Variants in RBFOX1 observed in about 807,000 individuals in gnomAD.
The protein encoded by RBFOX1 is RNA binding protein fox-1 homolog 1.
A neutral mutation model predicts 57.7 loss-of-function variants in RBFOX1; 8 were observed. The ratio of observed to expected loss-of-function variants is 0.14; its 90% CI spans 0.08 to 0.25. RBFOX1 has a LOEUF of 0.25. RBFOX1 is among the 10% of genes least tolerant of loss of function. RBFOX1 has a pLI of 1.00. For synonymous variants in RBFOX1, 326 were observed against 222.4 expected (o/e 1.47, Z -4.15); for missense variants, 611 against 548.5 (o/e 1.11, Z -1.14).
intron 1 of RBFOX1, among the ~76,000 whole-genome samples, chr16:6,274,131 G>T (rs1443063639): frequency 6.6e-6 from 1 of 152,154 alleles, no homozygotes; most frequent in Non-Finnish European, 1.5e-5. Flanking sequence ...GCCACTTTGA[G>T]ATATAGTGGA....
chr16:5,975,811 C>A (rs114683771), intron 4 of RBFOX1, among the ~76,000 whole-genome samples: 1 of 152,062 alleles, frequency 6.6e-6, no homozygotes, highest in Non-Finnish European at 1.5e-5. Flanking sequence ...GAATGGCTAG[C>A]GCTCGACATA....
chr16:6,525,923 C>T (rs933735117), intron 2 of RBFOX1, among the ~76,000 whole-genome samples: 3 of 151,542 alleles, frequency 2.0e-5, no homozygotes, highest in Non-Finnish European at 4.4e-5. Flanking sequence ...GTGTCTGCTA[C>T]AAGCAGAGAA....
intron 3 of RBFOX1, among the ~76,000 whole-genome samples, chr16:5,681,121 T>G (rs1484236362): frequency 6.6e-6 from 1 of 152,068 alleles, no homozygotes; most frequent in Non-Finnish European, 1.5e-5. Flanking sequence ...TCACCCAGTC[T>G]GGAGTGCAGT....
intron 4 of RBFOX1, among the ~76,000 whole-genome samples, chr16:7,508,870 C>G (rs184904303): frequency 6.6e-6 from 1 of 152,192 alleles, no homozygotes; most frequent in East Asian, 1.9e-4. Flanking sequence ...ATCTCTCTTT[C>G]CATAGCAAGG....
At chr16:6,939,713 T>G (rs2078020411) in intron 3 of RBFOX1, among the ~76,000 whole-genome samples, 1 of 152,040 alleles carries the variant, frequency 6.6e-6, no homozygotes, top group African/African-American at 2.4e-5. Context: ...GGCTTCACTA[T>G]GTTGGCCGGG....
intron 5 of RBFOX1, among the ~76,000 whole-genome samples, chr16:7,550,923 A>C (rs1410502732): frequency 6.6e-6 from 1 of 151,796 alleles, no homozygotes; most frequent in Non-Finnish European, 1.5e-5. Flanking sequence ...GTGAAACCCC[A>C]GTTCTACTAA....
At chr16:7,357,887 T>C (rs1258456508) in intron 4 of RBFOX1, among the ~76,000 whole-genome samples, 1 of 152,238 alleles carries the variant, frequency 6.6e-6, no homozygotes, top group East Asian at 1.9e-4. Flanking sequence ...CTAGTTTTGG[T>C]TCCTCTTTAA....
In RBFOX1 at chr16:5,946,691, A is replaced by G. The variant is rs984864190; in HGVS notation, c.351+79356A>G. 5.3e-5 allele frequency among the ~76,000 whole-genome samples: 8 copies of G among 152,300 alleles called. No homozygotes were observed. The highest frequency in any genetic ancestry group is 2.9e-5 in the Non-Finnish European group (2 of 68,026). On this transcript the variant is annotated intron_variant, in intron 4 of 19. Coordinates refer to the RBFOX1 transcript ENST00000641259. The surrounding 1 kb of genome is among the most constrained non-coding windows in gnomAD (Gnocchi z 4.6). Reference sequence around the variant, plus strand: ...ATGAGAATCTCTGATTTATAACCAGATGGTGAGAAGGGAAGTACAGGCTTG... The same window carrying G: ...ATGAGAATCTCTGATTTATAACCAGGTGGTGAGAAGGGAAGTACAGGCTTG...
chr16:5,736,330 C>T (rs1175001269), intron 3 of RBFOX1, among the ~76,000 whole-genome samples: 1 of 152,126 alleles, frequency 6.6e-6, no homozygotes, highest in East Asian at 1.9e-4. Context: ...AGATGTGTCA[C>T]TATCTATAGC....
chr16:6,794,591 C>G (rs2083591739), intron 3 of RBFOX1, among the ~76,000 whole-genome samples: 1 of 152,080 alleles, frequency 6.6e-6, no homozygotes, highest in South Asian at 2.1e-4. Flanking sequence ...AAAACTCATT[C>G]AGTGACCTAC....
At chr16:6,152,116 C>A (rs1314274816) in intron 1 of RBFOX1, among the ~76,000 whole-genome samples, 3 of 152,120 alleles carry the variant, frequency 2.0e-5, no homozygotes, top group Non-Finnish European at 2.9e-5. Context: ...TCTAGGTATC[C>A]ATCAAAGCTG....
intron 3 of RBFOX1, among the ~76,000 whole-genome samples, chr16:6,844,115 C>G (rs760026781): frequency 8.5e-6 from 1 of 118,074 alleles, no homozygotes; most frequent in South Asian, 3.3e-4. Context: ...ATCACATCTT[C>G]CCTGCATGGC....
chr16:7,074,302 A>C (rs748285879), intron 4 of RBFOX1, among the ~76,000 whole-genome samples: 45 of 152,212 alleles, frequency 3.0e-4, no homozygotes, highest in Admixed American at 1.2e-3. Context: ...AATCGAATGA[A>C]AACCATAAGC....
intron 4 of RBFOX1, among the ~76,000 whole-genome samples, chr16:7,289,963 T>C (rs1451978904): frequency 6.6e-6 from 1 of 152,164 alleles, no homozygotes; most frequent in Admixed American, 6.5e-5. Flanking sequence ...AAGGTTAGGA[T>C]AAACTCTGTG....
At chr16:7,150,736 T>C (rs991476977) in intron 4 of RBFOX1, among the ~76,000 whole-genome samples, 1 of 152,236 alleles carries the variant, frequency 6.6e-6, no homozygotes, top group Non-Finnish European at 1.5e-5. Flanking sequence ...TTTTGCTTCT[T>C]ACTTGCAAAA....
At chr16:6,088,767 C>T (rs1411152465) in intron 1 of RBFOX1, among the ~76,000 whole-genome samples, 2 of 151,982 alleles carry the variant, frequency 1.3e-5, no homozygotes, top group Non-Finnish European at 2.9e-5. Flanking sequence ...GAGTAATTTC[C>T]TGAAGAAGGG....
intron 2 of RBFOX1, among the ~76,000 whole-genome samples, chr16:6,514,735 T>C (rs1271419504): frequency 6.6e-6 from 1 of 152,038 alleles, no homozygotes; most frequent in Non-Finnish European, 1.5e-5. Context: ...CTAGTAATAA[T>C]GGTAATTATT....
chr16:5,604,577 T>C (rs2047496966), downstream of RBFOX1, among the ~76,000 whole-genome samples: 1 of 152,166 alleles, frequency 6.6e-6, no homozygotes, highest in Admixed American at 6.5e-5. Flanking sequence ...TGTACACATG[T>C]CCCAACATAA....
chr16:7,670,403 C>T (rs902193683), intron 13 of RBFOX1, among the ~76,000 whole-genome samples: 10 of 152,086 alleles, frequency 6.6e-5, no homozygotes, highest in African/African-American at 9.7e-5. Flanking sequence ...GGGCCTTGAG[C>T]CCACATGATT....
Sources: gnomAD v4.1 joint callset for allele counts (sites outside exome capture counted in the v4.1 genomes callset) on GRCh38, gnomAD v4.1.1 for gene constraint, Gnocchi (gnomAD v3.1) non-coding constraint, MANE v1.5 for transcripts, NCBI Gene and HGNC (gene_info 2026-07-23, HGNC 2026-07-21) for gene names.